The following ATG5 variants were observed in gnomAD, a reference collection of about 807,000 sequenced individuals.
The protein encoded by ATG5 is autophagy protein 5.
In ATG5, 14 loss-of-function variants were observed where a neutral mutation model predicts 36.5. That is an observed-to-expected ratio of 0.38 (90% CI 0.25 to 0.60). The LOEUF is 0.60. Ranked by LOEUF, ATG5 falls within the 20% of genes least tolerant of loss-of-function variation. ATG5 has a pLI of 0.60. For synonymous variants in ATG5, 95 were observed against 101.5 expected, an observed-to-expected ratio of 0.94 and a Z score of 0.38; for missense variants, 195 against 326.7, an observed-to-expected ratio of 0.60 and a Z score of 3.11.
chr6:106,219,155 A>G (rs1477874448), intron 6 of ATG5, among the ~76,000 whole-genome samples: 4 of 152,156 alleles, frequency 2.6e-5, no homozygotes, highest in Non-Finnish European at 5.9e-5. Context: ...CCTCTTATCT[A>G]TGCTTGGAAA....
intron 4 of ATG5, among the ~76,000 whole-genome samples, chr6:106,288,935 T>C (rs1197890457): frequency 8.0e-6 from 1 of 125,642 alleles, no homozygotes; most frequent in African/African-American, 3.0e-5. Flanking sequence ...CTGATCCAAA[T>C]GTGTGTGTGT....
At chr6:106,265,589 G>A (rs554704642) in intron 5 of ATG5, among the ~76,000 whole-genome samples, 7 of 152,106 alleles carry the variant, frequency 4.6e-5, no homozygotes, top group Middle Eastern at 3.4e-3. Context: ...TTCTAAAATC[G>A]ACCACATAAT....
At chr6:106,295,843 C>G (rs970264320) in intron 3 of ATG5, among the ~76,000 whole-genome samples, 3 of 152,268 alleles carry the variant, frequency 2.0e-5, no homozygotes, top group African/African-American at 7.2e-5. Flanking sequence ...AGATTATAGG[C>G]ATGAGCCACT....
chr6:106,281,439 T>C (rs1298268213), intron 4 of ATG5, among the ~76,000 whole-genome samples: 1 of 152,210 alleles, frequency 6.6e-6, no homozygotes, highest in African/African-American at 2.4e-5. Context: ...AATTGCAGTA[T>C]TATGTAACTT....
At chr6:106,304,462 G>A (rs1319894284) in intron 3 of ATG5, among the ~76,000 whole-genome samples, 1 of 152,030 alleles carries the variant, frequency 6.6e-6, no homozygotes, top group Non-Finnish European at 1.5e-5. Flanking sequence ...ACAATTTGTG[G>A]TATAACCATA....
At chr6:106,235,336 C>G (rs1407568866) in intron 6 of ATG5, among the ~76,000 whole-genome samples, 1 of 152,182 alleles carries the variant, frequency 6.6e-6, no homozygotes, top group Non-Finnish European at 1.5e-5. Context: ...CTAGCCCATG[C>G]TCCAATTGTA....
At chr6:106,249,600 G>A (rs1432454709) in intron 5 of ATG5, among the ~76,000 whole-genome samples, 1 of 152,108 alleles carries the variant, frequency 6.6e-6, no homozygotes, top group Non-Finnish European at 1.5e-5. Context: ...GTTCTCTTGG[G>A]TATGTACCTA....
intron 6 of ATG5, among the ~76,000 whole-genome samples, chr6:106,203,276 A>T (rs1010017041): frequency 1.3e-5 from 2 of 152,158 alleles, no homozygotes; most frequent in Non-Finnish European, 2.9e-5. Context: ...CTTAGTGATG[A>T]TGGAGGCTTT....
chr6:106,302,815 A>G (rs1332259931), intron 3 of ATG5, among the ~76,000 whole-genome samples: 1 of 152,088 alleles, frequency 6.6e-6, no homozygotes, highest in African/African-American at 2.4e-5. Context: ...AAGCCTCAAA[A>G]GAAAATTTTA....
Position 106,242,449 on chromosome 6 carries a change from T to C in ATG5, c.573+5701A>G, listed in dbSNP as rs538153544. Among the ~76,000 whole-genome samples the C allele has an allele frequency of 1.9e-3, 290 of 152,320 alleles. 1 individual carries two copies. Among genetic ancestry groups the C allele is most frequent in the Non-Finnish European group, 3.2e-3 (219 of 68,030 alleles). ...AATGGGGAAACAGAGAGTTGTTTAATGGGTATAGAGTTTGTTTTGCAAGAA... is the reference window on the plus strand; with the variant it reads ...AATGGGGAAACAGAGAGTTGTTTAACGGGTATAGAGTTTGTTTTGCAAGAA... On this transcript the variant is annotated intron_variant, in intron 6 of 7. Transcript: ENST00000369076.
At chr6:106,261,050 C>T (rs1778998576) in intron 5 of ATG5, among the ~76,000 whole-genome samples, 2 of 151,938 alleles carry the variant, frequency 1.3e-5, no homozygotes, top group South Asian at 2.1e-4. Context: ...GCCATCCATA[C>T]CCTAGAAAGG....
chr6:106,237,608 T>C (rs1777952317), intron 6 of ATG5, among the ~76,000 whole-genome samples: 1 of 152,208 alleles, frequency 6.6e-6, no homozygotes, highest in Admixed American at 6.5e-5. Flanking sequence ...TAAAGTGCTA[T>C]AATACAGATT....
chr6:106,220,549 C>A (rs1777206830), intron 6 of ATG5, among the ~76,000 whole-genome samples: 1 of 151,952 alleles, frequency 6.6e-6, no homozygotes, highest in African/African-American at 2.4e-5. Flanking sequence ...TTGATTTTTT[C>A]TTCTAATATT....
chr6:106,208,253 T>TATGTGTAAA (rs760351507), intron 6 of ATG5, among the ~76,000 whole-genome samples: 8,681 of 152,250 alleles, frequency 0.057, 335 homozygotes, highest in South Asian at 0.12. Context: ...TATATATACA[T>TATGTGTAAA]CTGTGTAAAC....
intron 6 of ATG5, among the ~76,000 whole-genome samples, chr6:106,221,648 T>A (rs1777253453): frequency 7.0e-6 from 1 of 143,176 alleles, no homozygotes; most frequent in East Asian, 2.1e-4. Flanking sequence ...ATCGTGCCAC[T>A]GCACTCCACC....
chr6:106,240,357 TATA>T (rs1275976649), intron 6 of ATG5, among the ~76,000 whole-genome samples: 7 of 148,288 alleles, frequency 4.7e-5, no homozygotes, highest in African/African-American at 1.7e-4. Context: ...TTATAGATAT[TATA>T]ATATAAAATA....
chr6:106,252,872 C>T (rs1778654386), intron 5 of ATG5, among the ~76,000 whole-genome samples: 1 of 152,136 alleles, frequency 6.6e-6, no homozygotes, highest in African/African-American at 2.4e-5. Context: ...CGGATTGTGA[C>T]AGCACATAGA....
intron 7 of ATG5, among the ~76,000 whole-genome samples, chr6:106,198,088 C>A (rs888719372): frequency 2.0e-5 from 3 of 150,490 alleles, no homozygotes; most frequent in Admixed American, 1.3e-4. Context: ...TTAAATAGAT[C>A]AAAAACAAAC....
At chr6:106,207,661 T>C (rs571155963) in intron 6 of ATG5, among the ~76,000 whole-genome samples, 10 of 152,314 alleles carry the variant, frequency 6.6e-5, no homozygotes, top group South Asian at 2.1e-4. Flanking sequence ...AAATGATGAT[T>C]TACTATAAGC....
Sources: gnomAD v4.1 joint callset for allele counts (sites outside exome capture counted in the v4.1 genomes callset) on GRCh38, gnomAD v4.1.1 for gene constraint, MANE v1.5 for transcripts, NCBI Gene and HGNC (gene_info 2026-07-23, HGNC 2026-07-21) for gene names.